The following KIF26A variants were observed in gnomAD, a reference collection of about 807,000 sequenced individuals.
KIF26A encodes the protein kinesin family member 26A, also known as kinesin-like protein KIF26A.
KIF26A carries 74 observed loss-of-function variants against 126.0 expected under a neutral mutation model. The ratio of observed to expected loss-of-function variants is 0.59; its 90% CI spans 0.49 to 0.71. The LOEUF is 0.71. Among genes scored for constraint, KIF26A ranks in the 30% least tolerant of loss-of-function variants. The pLI is 0.00. For synonymous variants in KIF26A, 1,445 were observed against 1,232.7 expected, an observed-to-expected ratio of 1.17 and a Z score of -3.61; for missense variants, 2,984 against 2,763.3, an observed-to-expected ratio of 1.08 and a Z score of -1.79.
At chr14:104,138,937 G>T in intron 1 of KIF26A, 106 bp from the exon 2 acceptor site, 1 of 1,291,336 alleles carries the variant, frequency 7.7e-7, no homozygotes, top group Non-Finnish European at 9.8e-7. Flanking sequence ...TCGTGCCCAG[G>T]GCTCCTAACT....
At chr14:104,156,591 ACCGGCCATGGGTTGGGCAGGGTGAG>A (rs202006865) in intron 3 of KIF26A, among the ~76,000 whole-genome samples, 7,772 of 151,976 alleles carry the variant, frequency 0.051, 261 homozygotes, top group African/African-American at 0.093. Flanking sequence ...GGAAGCTGGT[ACCGGCCATGGGTTGGGCAGGGTGAG>A]CCGGCCATGG....
chr14:104,165,599 A>AT (rs2037885595), intron 4 of KIF26A, among the ~76,000 whole-genome samples: 1 of 122,354 alleles, frequency 8.2e-6, no homozygotes, highest in Non-Finnish European at 1.6e-5. Context: ...GTGTCTATGC[A>AT]TGTGTGTGTC....
rs1173977236 is a variant in KIF26A, at chr14:104,178,621, C to T, written c.5182C>T (p.Pro1728Ser). 12 of 1,549,046 alleles carry T rather than the reference C, an allele frequency of 7.7e-6. No homozygotes were observed. The East Asian group carries it at 2.7e-4, about 35-fold the overall frequency. Residue 1728 changes from proline (P) to serine (S), a missense_variant, in exon 13 of 15, where the codon CCC (proline) becomes TCC (serine). Coordinates refer to ENST00000423312, the MANE Select transcript of KIF26A (RefSeq NM_015656.2). ...TTALGRKPSL[P>S]GQWVDLPPPL... is the part of the protein sequence containing the mutation. The stretch of plus-strand genomic sequence containing the variant: ...TGCCCTGGGCCGTAAGCCCAGCCTC[C>T]CCGGGCAGTGGGTGGACCTGCCCCC...
rs577000501 is a variant in KIF26A at position 104,162,851 on chromosome 14, C to T, written c.924-4008C>T. ...CCCTTATAGGGGCCACCGTGGGGAC[C>T]GTCCTCAGCCCTGCCTGTCCAGGTA... On this transcript the variant is annotated intron_variant, in intron 4 of 14. Coordinates refer to ENST00000423312, the MANE Select transcript of KIF26A (RefSeq NM_015656.2). 3.3e-5 allele frequency among the ~76,000 whole-genome samples: 5 copies of T among 152,248 alleles called. No homozygotes were observed. In the South Asian group the frequency reaches 8.3e-4, roughly 25 times the overall value.
chr14:104,147,929 T>G (rs891933971), intron 2 of KIF26A, among the ~76,000 whole-genome samples: 14 of 151,934 alleles, frequency 9.2e-5, no homozygotes, highest in Admixed American at 5.2e-4. Context: ...TGGAGACGGG[T>G]GATGGGGACT....
At chr14:104,154,175 C>T (rs1329311860) in intron 3 of KIF26A, among the ~76,000 whole-genome samples, 3 of 152,136 alleles carry the variant, frequency 2.0e-5, no homozygotes, top group Non-Finnish European at 4.4e-5. Flanking sequence ...TGCAAATCTC[C>T]ACCACAGACC....
chr14:104,153,747 CAG>C (rs1290938485), intron 3 of KIF26A, among the ~76,000 whole-genome samples: 2 of 152,198 alleles, frequency 1.3e-5, no homozygotes, highest in Non-Finnish European at 2.9e-5. Context: ...GTGGAAGCAT[CAG>C]GGGCTGGGCC....
chr14:104,179,579 G>C (rs2038077751), intron 14 of KIF26A, 30 bp from the exon 15 acceptor site: 2 of 1,483,026 alleles, frequency 1.3e-6, no homozygotes, highest in Non-Finnish European at 1.8e-6. Context: ...GCCTGACGCA[G>C]GTGCCCCTCC....
rs1239064592 is a variant in KIF26A at position 104,148,659 on chromosome 14, C to T, written c.289-3356C>T. Among the ~76,000 whole-genome samples the T allele has an allele frequency of 7.2e-3, 17 of 2,354 alleles. No individual in the cohort carries two copies. The highest frequency in any genetic ancestry group is 0.027 in the African/African-American group (14 of 524). The allele number at this position is 2,354 out of a possible 152,430, so 1.5% of individuals were successfully genotyped here. A position where few individuals can be genotyped will look rare whatever the true frequency, so the allele number is the denominator to read the frequency against. On this transcript the variant is annotated intron_variant, in intron 2 of 14. Transcript: ENST00000423312. This position sits in a 1 kb window ranked among gnomAD's most constrained non-coding sequence, Gnocchi z 4.3. ...GTTGGCGGTGGGGGCTGTGCGTGGC[C>T]GGGGAGGGGGAGGGGGAGGGGAGGG... is the stretch of plus-strand genomic sequence containing the variant.
chr14:104,178,545 T>G lies in KIF26A; in HGVS notation c.5111-5T>G. 1 of 1,456,572 alleles carries G rather than the reference T, an allele frequency of 6.9e-7. No homozygotes were observed. The highest frequency in any genetic ancestry group is 9.1e-7 in the Non-Finnish European group (1 of 1,102,124). The allele number at this position is 1,456,572 out of a possible 1,614,324, so 90.2% of individuals were successfully genotyped here. ...GTTCACCCTGTGCCCGGCTCTCCGT[T>G]CCAGGTCTGCAGCGGCGGCGCCTGA... is the stretch of plus-strand genomic sequence containing the variant. On this transcript the variant is annotated splice_region_variant and splice_polypyrimidine_tract_variant and intron_variant, in intron 12 of 14. Coordinates refer to ENST00000423312, the MANE Select transcript of KIF26A (RefSeq NM_015656.2).
intron 2 of KIF26A, among the ~76,000 whole-genome samples, chr14:104,145,864 CT>C (rs1482348201): frequency 2.6e-5 from 4 of 152,226 alleles, no homozygotes; most frequent in Non-Finnish European, 4.4e-5. Flanking sequence ...CTAGGGCCCC[CT>C]CTCCCCGACC....
At chr14:104,154,726 G>C (rs569839794) in intron 3 of KIF26A, among the ~76,000 whole-genome samples, 2 of 152,358 alleles carry the variant, frequency 1.3e-5, no homozygotes, top group East Asian at 3.9e-4. Flanking sequence ...GCTATGAACT[G>C]AGCTGCGAGA....
rs201104654 is a variant in KIF26A, at chr14:104,166,988, G to A, written c.1053G>A (p.Ala351=). ...TCCTGCAGCTGTGGCCGCCCCCGGCGCCCCCCTGCCTGCTCAGGGCCGCCT... is the reference window on the plus strand; with the variant it reads ...TCCTGCAGCTGTGGCCGCCCCCGGCACCCCCCTGCCTGCTCAGGGCCGCCT... The part of the protein sequence containing the change: ...SGVLQLWPPP[A]PPCLLRAASK... The change falls in exon 5 of 15, where the codon GCG becomes GCA. Residue 351 remains alanine (A), a synonymous_variant. Transcript: ENST00000423312. The A allele has an allele frequency of 3.4e-4, 541 of 1,582,994 alleles. 3 individuals carry two copies. The African/African-American group carries it at 4.7e-3, about 14-fold the overall frequency.
intron 4 of KIF26A, among the ~76,000 whole-genome samples, chr14:104,160,347 C>T (rs2037821646): frequency 6.6e-6 from 1 of 152,136 alleles, no homozygotes; most frequent in Non-Finnish European, 1.5e-5. Context: ...AGGGCACCAG[C>T]CTCAGGCTGC....
rs779208185 is a variant in KIF26A, at chr14:104,176,468, G to A, written c.3680G>A (p.Arg1227His). The A allele has an allele frequency of 1.9e-5, 30 of 1,606,716 alleles. No homozygotes were observed. The highest frequency in any genetic ancestry group is 1.6e-4 in the Middle Eastern group (1 of 6,076). The stretch of plus-strand genomic sequence containing the variant: ...GCCACCACCCGTGTGGGCTGTGCTC[G>A]CCTGGGCCAGAGCCCACCTGGCCGT... ...ASATTRVGCA[R>H]LGQSPPGRGG... is the part of the protein sequence containing the mutation. The change falls in exon 12 of 15, where the codon CGC (arginine) becomes CAC (histidine). Residue 1227 changes from arginine to histidine, a missense_variant. Transcript: ENST00000423312.
At chr14:104,154,478 T>G (rs2037758792) in intron 3 of KIF26A, among the ~76,000 whole-genome samples, 1 of 152,192 alleles carries the variant, frequency 6.6e-6, no homozygotes. Flanking sequence ...CAGAGACTCC[T>G]GGGCTATGGA....
At chr14:104,141,332 G>GT (rs1031813892) in intron 2 of KIF26A, among the ~76,000 whole-genome samples, 1 of 152,208 alleles carries the variant, frequency 6.6e-6, no homozygotes, top group Non-Finnish European at 1.5e-5. Flanking sequence ...CCAGGGGCCC[G>GT]TTTCGTATTT....
Position 104,179,900 on chromosome 14 carries a change from G to A in KIF26A, c.*110G>A. The A allele has an allele frequency of 2.6e-6, 3 of 1,159,432 alleles. No homozygotes were observed. Among genetic ancestry groups the A allele is most frequent in the Non-Finnish European group, 3.5e-6 (3 of 846,578 alleles). The allele number at this position is 1,159,432 out of a possible 1,614,324, so 71.8% of individuals were successfully genotyped here. A position where few individuals can be genotyped will look rare whatever the true frequency, so the allele number is the denominator to read the frequency against. On this transcript the variant is annotated 3_prime_UTR_variant, in exon 15 of 15. Coordinates refer to ENST00000423312, the MANE Select transcript of KIF26A (RefSeq NM_015656.2). The stretch of plus-strand genomic sequence containing the variant: ...GGGGGGAGGATGCGGAGGGGTTTCT[G>A]TGCAGGACGGGAGTCTCAGAGAGGA...
chr14:104,179,472 T>C (rs1328856901), intron 14 of KIF26A, 86 bp downstream of exon 14: 19 of 1,431,144 alleles, frequency 1.3e-5, no homozygotes, highest in Non-Finnish European at 1.7e-5. Flanking sequence ...GTTGCTCTCC[T>C]GTACCTCGTG....
Sources: allele counts gnomAD v4.1 joint callset (sites outside exome capture counted in the v4.1 genomes callset), GRCh38; gene constraint gnomAD v4.1.1; non-coding constraint Gnocchi (gnomAD v3.1); transcripts MANE v1.5; gene names NCBI Gene and HGNC (gene_info 2026-07-23, HGNC 2026-07-21).